KCNK1: variants seen among roughly 807,000 people sequenced by gnomAD.
The protein encoded by KCNK1 is potassium two pore domain channel subfamily K member 1.
A neutral mutation model predicts 22.2 loss-of-function variants in KCNK1; 10 were observed. The ratio of observed to expected loss-of-function variants is 0.45; its 90% CI spans 0.28 to 0.76. The LOEUF (loss-of-function observed/expected upper bound fraction) is 0.76, where lower values mean the gene tolerates loss of function less well. Ranked by LOEUF, KCNK1 falls within the 30% of genes least tolerant of loss-of-function variation. The pLI, the probability that KCNK1 is intolerant of heterozygous loss-of-function variation, is 0.14. For synonymous variants in KCNK1, 200 were observed against 186.4 expected, an observed-to-expected ratio of 1.07 and a Z score of -0.60; for missense variants, 378 against 421.0, an observed-to-expected ratio of 0.90 and a Z score of 0.89.
intron 1 of KCNK1, among the ~76,000 whole-genome samples, chr1:233,627,884 G>A (rs1019464941): frequency 2.0e-5 from 3 of 152,236 alleles, no homozygotes; most frequent in Admixed American, 6.5e-5. Context: ...TGCTCTTTCA[G>A]CAACTCTGGT....
intron 1 of KCNK1, among the ~76,000 whole-genome samples, chr1:233,635,384 A>T (rs542471660): frequency 7.9e-5 from 12 of 152,320 alleles, no homozygotes; most frequent in African/African-American, 2.2e-4. Context: ...ATGGTAATAA[A>T]CAACAGATAG....
chr1:233,632,746 G>C (rs940442791), intron 1 of KCNK1, among the ~76,000 whole-genome samples: 3 of 152,108 alleles, frequency 2.0e-5, no homozygotes, highest in African/African-American at 7.2e-5. Context: ...GAGGATCGTG[G>C]GTTTGGGCCT....
At chr1:233,653,559 A>G (rs1658235771) in intron 1 of KCNK1, among the ~76,000 whole-genome samples, 1 of 152,178 alleles carries the variant, frequency 6.6e-6, no homozygotes. Context: ...CAAGGTGGGT[A>G]GGCGTTATCT....
At chr1:233,629,131 A>G (rs1004956862) in intron 1 of KCNK1, among the ~76,000 whole-genome samples, 2 of 152,222 alleles carry the variant, frequency 1.3e-5, no homozygotes, top group Non-Finnish European at 2.9e-5. Flanking sequence ...AATCACTGAA[A>G]TATAAAAGCC....
At chr1:233,620,102 A>G (rs558223877) in intron 1 of KCNK1, among the ~76,000 whole-genome samples, 45 of 152,378 alleles carry the variant, frequency 3.0e-4, no homozygotes, top group African/African-American at 1.0e-3. Flanking sequence ...GACACAGTCA[A>G]GTTTTATGAA....
intron 2 of KCNK1, among the ~76,000 whole-genome samples, chr1:233,670,572 AAGAG>A (rs1417423571): frequency 6.6e-6 from 1 of 152,158 alleles, no homozygotes; most frequent in Non-Finnish European, 1.5e-5. Flanking sequence ...GCAGCAGGCA[AAGAG>A]AGAGAGAATG....
chr1:233,636,993 A>G (rs1172707936), intron 1 of KCNK1, among the ~76,000 whole-genome samples: 3 of 151,948 alleles, frequency 2.0e-5, no homozygotes, highest in Non-Finnish European at 4.4e-5. Context: ...TCAGGAGATC[A>G]AGACCATCCT....
chr1:233,626,808 G>A (rs1343806308), intron 1 of KCNK1, among the ~76,000 whole-genome samples: 1 of 152,092 alleles, frequency 6.6e-6, no homozygotes, highest in Admixed American at 6.5e-5. Context: ...CCCAAATGAA[G>A]TATTTGCTTC....
chr1:233,623,537 C>G (rs1229462785), intron 1 of KCNK1, among the ~76,000 whole-genome samples: 1 of 152,162 alleles, frequency 6.6e-6, no homozygotes, highest in African/African-American at 2.4e-5. Flanking sequence ...CACTGTGTAC[C>G]TCATAAATAC....
intron 1 of KCNK1, among the ~76,000 whole-genome samples, chr1:233,655,507 A>C (rs1658275946): frequency 2.0e-5 from 3 of 152,296 alleles, no homozygotes; most frequent in Non-Finnish European, 4.4e-5. Flanking sequence ...TTGGGATGCC[A>C]GGGGTAGAAT....
intron 1 of KCNK1, chr1:233,636,488 T>C (rs1230844890): frequency 6.6e-6 from 1 of 152,212 alleles, no homozygotes; most frequent in Non-Finnish European, 1.5e-5. Flanking sequence ...GGCTGCAGGA[T>C]TTTGGCTTGA....
rs551863225 is a variant in KCNK1, at chr1:233,658,402, C to T, written c.356-8193C>T. ...TTGCTTACTTTAAAATTAGAAAATT[C>T]GATTTTTTTGATTGCATAATTTTGG... On this transcript the variant is annotated intron_variant, in intron 1 of 2. Coordinates refer to ENST00000366621, the MANE Select transcript of KCNK1 (RefSeq NM_002245.4). Among the ~76,000 whole-genome samples, 10 of 152,186 alleles carry T rather than the reference C, an allele frequency of 6.6e-5. No individual in the cohort carries two copies. The East Asian group carries it at 7.7e-4, about 12-fold the overall frequency.
At chr1:233,634,318 CAAAA>C (rs57277108) in intron 1 of KCNK1, among the ~76,000 whole-genome samples, 5 of 140,464 alleles carry the variant, frequency 3.6e-5, no homozygotes, top group Non-Finnish European at 4.6e-5. Flanking sequence ...ACAACAACAA[CAAAA>C]AAAAAAAAAA....
At chr1:233,650,011 C>A in intron 1 of KCNK1, 2 of 533,400 alleles carry the variant, frequency 3.7e-6, no homozygotes, top group South Asian at 2.8e-5. Context: ...TTTCAAGTGC[C>A]TAAAGGAGAG....
At chr1:233,655,806 G>T in intron 1 of KCNK1, 1 of 152,166 alleles carries the variant, frequency 6.6e-6, no homozygotes, top group South Asian at 1.9e-4. Context: ...AAAACTGTGA[G>T]AAATACATTT....
At chr1:233,656,383 C>G (rs984041280) in intron 1 of KCNK1, among the ~76,000 whole-genome samples, 1 of 152,190 alleles carries the variant, frequency 6.6e-6, no homozygotes, top group Non-Finnish European at 1.5e-5. Flanking sequence ...TAAACCCAGT[C>G]TGAGAGTTGC....
At chr1:233,654,539 G>T (rs780075) in intron 1 of KCNK1, among the ~76,000 whole-genome samples, 55,182 of 151,854 alleles carry the variant, frequency 0.36, 10,810 homozygotes, top group East Asian at 0.46. Context: ...TGAAAAGAGA[G>T]AAAAGATTTA....
chr1:233,653,873 T>C (rs1399204979), intron 1 of KCNK1, among the ~76,000 whole-genome samples: 1 of 152,014 alleles, frequency 6.6e-6, no homozygotes, highest in African/African-American at 2.4e-5. Context: ...TCCTGACAAA[T>C]ATAAAGATTG....
intron 1 of KCNK1, chr1:233,655,655 A>C (rs1658278345): frequency 6.6e-6 from 1 of 152,034 alleles, no homozygotes; most frequent in Admixed American, 6.6e-5. Flanking sequence ...CGTGAATGAG[A>C]CTCGTGCCTT....
Sources: allele counts gnomAD v4.1 joint callset (sites outside exome capture counted in the v4.1 genomes callset), GRCh38; gene constraint gnomAD v4.1.1; transcripts MANE v1.5; gene names NCBI Gene and HGNC (gene_info 2026-07-23, HGNC 2026-07-21).